Variants in KIF24 observed in about 807,000 individuals in gnomAD.
The protein encoded by KIF24 is kinesin-like protein KIF24.
A neutral mutation model predicts 118.9 loss-of-function variants in KIF24; 81 were observed. That is an observed-to-expected ratio of 0.68 (90% CI 0.57 to 0.82). The LOEUF (loss-of-function observed/expected upper bound fraction) is 0.82. Among genes scored for constraint, KIF24 ranks in the 40% least tolerant of loss-of-function variants. The pLI is 0.00. For synonymous variants in KIF24, 599 were observed against 610.0 expected, an observed-to-expected ratio of 0.98 and a Z score of 0.27; for missense variants, 1,560 against 1,661.6, an observed-to-expected ratio of 0.94 and a Z score of 1.06.
intron 1 of KIF24, among the ~76,000 whole-genome samples, chr9:34,320,447 C>A (rs1399300445): frequency 6.6e-6 from 1 of 151,450 alleles, no homozygotes; most frequent in Admixed American, 6.6e-5. Flanking sequence ...CACCTGAGAT[C>A]AGGGGTTCGA....
chr9:34,314,681 CT>C (rs778467735), intron 1 of KIF24, among the ~76,000 whole-genome samples: 6 of 152,176 alleles, frequency 3.9e-5, no homozygotes, highest in Non-Finnish European at 7.3e-5. Context: ...CTCTAGGAAC[CT>C]ATCCTTATCC....
At chr9:34,310,685 C>G in intron 2 of KIF24, 39 bp downstream of exon 2, 1 of 1,513,722 alleles carries the variant, frequency 6.6e-7, no homozygotes, top group Non-Finnish European at 8.9e-7. Flanking sequence ...TTGCCTGAGG[C>G]TACTTTCCCT....
At chr9:34,322,654 G>A (rs1837560006) in intron 1 of KIF24, among the ~76,000 whole-genome samples, 1 of 150,674 alleles carries the variant, frequency 6.6e-6, no homozygotes, top group South Asian at 2.2e-4. Flanking sequence ...AGGAGTTTGA[G>A]ACCAGCCTGG....
At chr9:34,319,322 A>G in intron 1 of KIF24, 1 of 918,732 alleles carries the variant, frequency 1.1e-6, no homozygotes, top group Non-Finnish European at 1.8e-6. Context: ...TCCTTGCCCA[A>G]GCGGGTGGTG....
intron 9 of KIF24, 147 bp from the exon 10 acceptor site, chr9:34,259,852 C>T (rs1834991308): frequency 1.7e-6 from 1 of 584,880 alleles, no homozygotes; most frequent in Admixed American, 3.1e-5. Context: ...TACAAATGGC[C>T]AATAAACACA....
intron 9 of KIF24, among the ~76,000 whole-genome samples, chr9:34,260,882 G>A (rs1835028825): frequency 6.6e-6 from 1 of 152,156 alleles, no homozygotes; most frequent in Non-Finnish European, 1.5e-5. Flanking sequence ...TGTGGCAGGA[G>A]AATCGCTTGA....
chr9:34,269,445 A>T (rs1461127032), intron 7 of KIF24, 83 bp from the exon 8 acceptor site: 1 of 637,218 alleles, frequency 1.6e-6, no homozygotes, highest in East Asian at 3.4e-5. Context: ...TTTGAGACGG[A>T]GTCTCACTCT....
intron 6 of KIF24, among the ~76,000 whole-genome samples, chr9:34,281,885 G>A (rs183223702): frequency 1.8e-4 from 27 of 152,296 alleles, no homozygotes; most frequent in African/African-American, 5.3e-4. Context: ...GAAAGACTGC[G>A]ATGGCTGCAT....
intron 3 of KIF24, among the ~76,000 whole-genome samples, chr9:34,302,285 C>T (rs899513691): frequency 2.0e-5 from 3 of 151,868 alleles, no homozygotes; most frequent in East Asian, 1.9e-4. Flanking sequence ...GTAATGCCAG[C>T]GCGGTGCCTG....
chr9:34,271,331 AAAAAAAAAAAAAGAAAAAG>A, intron 7 of KIF24, among the ~76,000 whole-genome samples: 1 of 140,200 alleles, frequency 7.1e-6, no homozygotes, highest in African/African-American at 2.7e-5. Context: ...CCAGCAAAAA[AAAAAAAAAAAAAGAAAAAG>A]AAAAGAAAAA....
chr9:34,268,837 G>A (rs754830407), intron 8 of KIF24, among the ~76,000 whole-genome samples: 9 of 152,154 alleles, frequency 5.9e-5, no homozygotes, highest in African/African-American at 2.2e-4. Flanking sequence ...CCAACCAGGG[G>A]GAGGGAAGGG....
Position 34,266,863 on chromosome 9 carries a change from T to G in KIF24, c.1443+2394A>C, listed in dbSNP as rs555582394. 1.8e-4 allele frequency among the ~76,000 whole-genome samples: 27 copies of G among 152,132 alleles called. No homozygotes were observed. In the East Asian group the frequency reaches 5.0e-3, roughly 28 times the overall value. ...GTTGTACCAAAAAGACACAGGAACATTCTTGAAACAGCTCCTATTGGCTAA... is the reference window on the plus strand; with the variant it reads ...GTTGTACCAAAAAGACACAGGAACAGTCTTGAAACAGCTCCTATTGGCTAA... On this transcript the variant is annotated intron_variant, in intron 8 of 12. Transcript: ENST00000402558.
chr9:34,280,259 G>T (rs1835801419), intron 6 of KIF24, among the ~76,000 whole-genome samples: 1 of 117,974 alleles, frequency 8.5e-6, no homozygotes. Context: ...ACTCCAACCT[G>T]GGCGACAGGG....
chr9:34,259,909 CA>C (rs936422935), intron 9 of KIF24, among the ~76,000 whole-genome samples: 84 of 152,120 alleles, frequency 5.5e-4, no homozygotes, highest in African/African-American at 1.9e-3. Flanking sequence ...GCAAACAAAC[CA>C]TTAAAAAAAC....
chr9:34,321,320 C>G (rs939684746), intron 1 of KIF24, among the ~76,000 whole-genome samples: 1 of 151,600 alleles, frequency 6.6e-6, no homozygotes, highest in Non-Finnish European at 1.5e-5. Flanking sequence ...AAAAAAAAAC[C>G]GAGGACTCAG....
At chr9:34,313,677 AAGG>A (rs1837240516) in intron 1 of KIF24, among the ~76,000 whole-genome samples, 1 of 151,646 alleles carries the variant, frequency 6.6e-6, no homozygotes, top group African/African-American at 2.4e-5. Flanking sequence ...AAATAAGTGA[AAGG>A]TATAAAAACT....
At chr9:34,258,842 A>C (rs576830221) in intron 10 of KIF24, among the ~76,000 whole-genome samples, 1 of 152,354 alleles carries the variant, frequency 6.6e-6, no homozygotes, top group East Asian at 1.9e-4. Flanking sequence ...GTCTATTCCC[A>C]GGGTTTCTCA....
Position 34,259,426 on chromosome 9 carries a change from C to T in KIF24, c.1625+170G>A, listed in dbSNP as rs28368568. On this transcript the variant is annotated intron_variant, in intron 10 of 12. Coordinates refer to ENST00000402558, the MANE Select transcript of KIF24 (RefSeq NM_194313.4). ...TCACAGTCTTCAAATGACTAATTGCCAAGAACAAGGCTGTGGCGCTCAAGG... is the reference window on the plus strand; with the variant it reads ...TCACAGTCTTCAAATGACTAATTGCTAAGAACAAGGCTGTGGCGCTCAAGG... 6.8e-3 allele frequency among the ~76,000 whole-genome samples: 1,035 copies of T among 152,342 alleles called. 44 individuals are homozygous for T. In the East Asian group the frequency reaches 0.14, roughly 20 times the overall value.
At chr9:34,268,554 C>T (rs944370366) in intron 8 of KIF24, among the ~76,000 whole-genome samples, 19 of 144,014 alleles carry the variant, frequency 1.3e-4, no homozygotes, top group African/African-American at 4.4e-4. Flanking sequence ...GTCACCCAGG[C>T]TGGGGTGCAA....
Sources: allele counts gnomAD v4.1 joint callset (sites outside exome capture counted in the v4.1 genomes callset), GRCh38; gene constraint gnomAD v4.1.1; transcripts MANE v1.5; gene names NCBI Gene and HGNC (gene_info 2026-07-23, HGNC 2026-07-21).